ANXA4: variants seen among roughly 807,000 people sequenced by gnomAD.
ANXA4 encodes 35-beta calcimedin.
In ANXA4, 39 loss-of-function variants were observed where a neutral mutation model predicts 49.8. The ratio of observed to expected loss-of-function variants is 0.78; its 90% CI spans 0.61 to 1.02. ANXA4 has a LOEUF of 1.02. Among genes scored for constraint, ANXA4 ranks in the 50% least tolerant of loss-of-function variants. The pLI, the probability that ANXA4 is intolerant of heterozygous loss-of-function variation, is 0.00. For synonymous variants in ANXA4, 134 were observed against 152.5 expected (o/e 0.88, Z 0.89); for missense variants, 360 against 410.1 (o/e 0.88, Z 1.05).
chr2:69,647,707 C>A (rs1676063323), intron 1 of ANXA4, among the ~76,000 whole-genome samples: 1 of 143,740 alleles, frequency 7.0e-6, no homozygotes, highest in South Asian at 2.3e-4. Context: ...CCACGCCCAG[C>A]CACTTTTTAA....
chr2:69,798,123 G>T (rs2103772365), intron 3 of ANXA4, among the ~76,000 whole-genome samples: 1 of 152,278 alleles, frequency 6.6e-6, no homozygotes, highest in South Asian at 2.1e-4. Flanking sequence ...AGCCTAAGTG[G>T]ACAGAGGGGC....
chr2:69,670,438 CAAAAAAAAA>C (rs748196181), intron 2 of ANXA4, among the ~76,000 whole-genome samples: 1 of 44,798 alleles, frequency 2.2e-5, no homozygotes, highest in East Asian at 8.2e-4. Context: ...GACTCAATCT[CAAAAAAAAA>C]AAAAAAAAAA....
chr2:69,721,605 G>A (rs781325513), intron 3 of ANXA4, among the ~76,000 whole-genome samples: 4 of 152,014 alleles, frequency 2.6e-5, no homozygotes, highest in Non-Finnish European at 5.9e-5. Context: ...GGAGGCTAAG[G>A]TGAGGATTGC....
intron 3 of ANXA4, among the ~76,000 whole-genome samples, chr2:69,788,354 A>C (rs1672506353): frequency 6.6e-6 from 1 of 152,216 alleles, no homozygotes; most frequent in Non-Finnish European, 1.5e-5. Flanking sequence ...AGCCTGGCCA[A>C]CATGACAAGA....
At chr2:69,771,556 G>T (rs6722971) in intron 1 of ANXA4, among the ~76,000 whole-genome samples, 8,092 of 152,230 alleles carry the variant, frequency 0.053, 646 homozygotes, top group African/African-American at 0.18. Flanking sequence ...TCCAAATGCT[G>T]GGTGAGAGAG....
intron 1 of ANXA4, among the ~76,000 whole-genome samples, chr2:69,745,750 C>T (rs1437603170): frequency 6.6e-6 from 1 of 152,038 alleles, no homozygotes; most frequent in Admixed American, 6.6e-5. Context: ...AGGCTGGTCT[C>T]GAACTCCTGA....
intron 2 of ANXA4, among the ~76,000 whole-genome samples, chr2:69,676,658 G>A (rs1677423081): frequency 6.6e-6 from 1 of 152,254 alleles, no homozygotes; most frequent in Non-Finnish European, 1.5e-5. Flanking sequence ...ACTTTGGGAG[G>A]CCAAGGCTGG....
chr2:69,752,644 C>G (rs1246872582), intron 1 of ANXA4, among the ~76,000 whole-genome samples: 1 of 152,250 alleles, frequency 6.6e-6, no homozygotes, highest in Non-Finnish European at 1.5e-5. Flanking sequence ...TACCTGCCTC[C>G]TCTCTTCAGC....
intron 1 of ANXA4, among the ~76,000 whole-genome samples, chr2:69,651,664 A>T (rs1573052325): frequency 6.6e-6 from 1 of 151,638 alleles, no homozygotes; most frequent in African/African-American, 2.4e-5. Flanking sequence ...CACCACGCCC[A>T]GCTAATTTTT....
At chr2:69,778,727 A>T (rs1161770776) in intron 1 of ANXA4, among the ~76,000 whole-genome samples, 2 of 145,824 alleles carry the variant, frequency 1.4e-5, no homozygotes, top group Admixed American at 1.4e-4. Flanking sequence ...GTGAGCCAAG[A>T]TCGTGCCATT....
At chr2:69,691,146 C>T (rs920102711) in intron 2 of ANXA4, among the ~76,000 whole-genome samples, 3 of 147,316 alleles carry the variant, frequency 2.0e-5, no homozygotes, top group Non-Finnish European at 4.5e-5. Flanking sequence ...TTTTTTTAAA[C>T]GGAGCCTCTC....
chr2:69,705,295 C>T (rs1219242781), intron 2 of ANXA4, among the ~76,000 whole-genome samples: 1 of 151,394 alleles, frequency 6.6e-6, no homozygotes, highest in East Asian at 1.9e-4. Context: ...GATGCTGTCT[C>T]AAAAAAAGAA....
intron 1 of ANXA4, among the ~76,000 whole-genome samples, chr2:69,779,683 A>T (rs1672116917): frequency 6.6e-6 from 1 of 152,168 alleles, no homozygotes; most frequent in South Asian, 2.1e-4. Context: ...ATAACAAAAA[A>T]CTTTCCACAG....
At chr2:69,816,648 A>G (rs1674006673) in intron 9 of ANXA4, 1 of 152,634 alleles carries the variant, frequency 6.6e-6, no homozygotes, top group Admixed American at 6.5e-5. Flanking sequence ...TGAATAGTGG[A>G]TAATTTCAAA....
At chr2:69,814,625 A>G (rs1673878182) in intron 8 of ANXA4, among the ~76,000 whole-genome samples, 1 of 152,132 alleles carries the variant, frequency 6.6e-6, no homozygotes, top group Admixed American at 6.5e-5. Context: ...CTATGATTAC[A>G]GGCATGAGCC....
At chr2:69,689,952 A>G in intron 2 of ANXA4, among the ~76,000 whole-genome samples, 1 of 152,274 alleles carries the variant, frequency 6.6e-6, no homozygotes, top group Non-Finnish European at 1.5e-5. Context: ...ACATTTTCAT[A>G]TATCAAATTC....
intron 2 of ANXA4, among the ~76,000 whole-genome samples, chr2:69,659,439 G>A (rs1464333251): frequency 2.0e-5 from 3 of 152,096 alleles, no homozygotes; most frequent in Non-Finnish European, 4.4e-5. Flanking sequence ...TTATTTATTT[G>A]TTTATTATCT....
intron 2 of ANXA4, among the ~76,000 whole-genome samples, chr2:69,689,942 A>G (rs955219380): frequency 2.6e-5 from 4 of 152,098 alleles, no homozygotes; most frequent in Non-Finnish European, 5.9e-5. Context: ...AAATAAGGAA[A>G]CATTTTCATA....
Position 69,794,324 on chromosome 2 carries a change from T to C in ANXA4, c.97+6183T>C, listed in dbSNP as rs375298681. On this transcript the variant is annotated intron_variant, in intron 3 of 12. Coordinates refer to ENST00000394295, the MANE Select transcript of ANXA4 (RefSeq NM_001153.5). ...CCAGCAAAGCCTCCACTGTAACTGC[T>C]TGGAGGCAGGCTGACCATCCTTTGG... 9.8e-5 allele frequency among the ~76,000 whole-genome samples: 15 copies of C among 152,346 alleles called. No individual in the cohort carries two copies. In the South Asian group the frequency reaches 2.7e-3, roughly 27 times the overall value.
Sources: allele counts gnomAD v4.1 joint callset (sites outside exome capture counted in the v4.1 genomes callset), GRCh38; gene constraint gnomAD v4.1.1; transcripts MANE v1.5; gene names NCBI Gene and HGNC (gene_info 2026-07-23, HGNC 2026-07-21).